Variants in SMARCA4 observed in about 807,000 individuals in gnomAD.
The protein encoded by SMARCA4 is SWI/SNF-related matrix-associated actin-dependent regulator of chromatin subfamily A member 4.
In SMARCA4, 31 loss-of-function variants were observed where a neutral mutation model predicts 193.9. The observed-to-expected ratio is 0.16, with a 90% CI of 0.12 to 0.22. The LOEUF (loss-of-function observed/expected upper bound fraction) is 0.22, where lower values mean the gene tolerates loss of function less well. Among genes scored for constraint, SMARCA4 ranks in the 10% least tolerant of loss-of-function variants. SMARCA4 has a pLI of 1.00. For missense variants in SMARCA4, 1,148 were observed against 2,296.0 expected, an observed-to-expected ratio of 0.50 and a Z score of 10.22; for synonymous variants, 942 against 933.1, an observed-to-expected ratio of 1.01 and a Z score of -0.17.
chr19:11,022,390 T>A (rs116680158), intron 19 of SMARCA4, among the ~76,000 whole-genome samples: 17 of 152,262 alleles, frequency 1.1e-4, no homozygotes, highest in African/African-American at 3.9e-4. Flanking sequence ...GGCCACATGG[T>A]CAGGTTCTGT....
chr19:11,008,217 T>G, intron 14 of SMARCA4, 194 bp downstream of exon 14: 2 of 566,348 alleles, frequency 3.5e-6, no homozygotes, highest in Non-Finnish European at 3.3e-6. Context: ...GCAATTGCAT[T>G]CGCATGGTTC....
rs2085909533 is a variant in SMARCA4 at position 10,985,186 on chromosome 19, C to T, written c.223-87C>T. 5 of 1,445,396 alleles carry T rather than the reference C, an allele frequency of 3.5e-6. No individual in the cohort carries two copies. In the East Asian group the frequency reaches 6.8e-5, roughly 20 times the overall value. 89.5% of individuals were successfully genotyped at this position (1,445,396 alleles called of 1,614,324 possible). On this transcript the variant is annotated intron_variant, in intron 2 of 34. Transcript: ENST00000344626. The surrounding 1 kb of genome is among the most constrained non-coding windows in gnomAD (Gnocchi z 4.5). ...ATCTTCGGGTGGCTGTTCTCGGTGCCCTCGAGCTTCTCTCGGGCAGCGCAT... is the reference window on the plus strand; with the variant it reads ...ATCTTCGGGTGGCTGTTCTCGGTGCTCTCGAGCTTCTCTCGGGCAGCGCAT...
intron 6 of SMARCA4, among the ~76,000 whole-genome samples, chr19:10,988,723 A>T (rs1347690696): frequency 6.6e-6 from 1 of 151,606 alleles, no homozygotes; most frequent in Non-Finnish European, 1.5e-5. Flanking sequence ...ATTTTTTTTA[A>T]ATCTCCTTTA....
intron 23 of SMARCA4, 85 bp from the exon 24 acceptor site, chr19:11,027,699 G>T (rs986968981): frequency 6.8e-7 from 1 of 1,471,986 alleles, no homozygotes; most frequent in South Asian, 1.1e-5. Context: ...GCCTGGAGGC[G>T]GGCGATGCAC....
At chr19:11,018,745 C>T (rs1045282438) in intron 16 of SMARCA4, 13 of 661,418 alleles carry the variant, frequency 2.0e-5, no homozygotes, top group Non-Finnish European at 3.3e-5. Flanking sequence ...TTCCCAGTGG[C>T]CTCCCTTCTG....
At chr19:11,014,219 T>A (rs2089143381) in intron 16 of SMARCA4, among the ~76,000 whole-genome samples, 1 of 152,106 alleles carries the variant, frequency 6.6e-6, no homozygotes, top group African/African-American at 2.4e-5. Flanking sequence ...GGGAGCGGCA[T>A]GCCCATGCTC....
Position 11,033,334 on chromosome 19 carries a change from C to T in SMARCA4, c.3591C>T (p.Asn1197=), listed in dbSNP as rs377275724. 7.4e-6 allele frequency: 12 copies of T among 1,613,060 alleles called. No individual in the cohort carries two copies. Among genetic ancestry groups the T allele is most frequent in the African/African-American group, 1.3e-5 (1 of 74,942 alleles). The change falls in exon 26 of 35, where the codon AAC becomes AAT. Residue 1197 remains asparagine, a synonymous_variant. Transcript: ENST00000344626. This position sits in a 1 kb window ranked among gnomAD's most constrained non-coding sequence, Gnocchi z 9.8. The part of the protein sequence containing the change: ...QDRAHRIGQQ[N]EVRVLRLCTV... ...GAGCCCACCGCATCGGGCAGCAGAA[C>T]GAGGTGCGTGTGCTCCGCCTCTGCA... is the stretch of plus-strand genomic sequence containing the variant.
intron 22 of SMARCA4, 118 bp from the exon 23 acceptor site, chr19:11,026,182 G>A (rs908682630): frequency 1.7e-5 from 14 of 833,794 alleles, no homozygotes; most frequent in African/African-American, 1.0e-4. Context: ...CCGTGGGCCC[G>A]TGCCGAGCAC....
Position 10,972,462 on chromosome 19 carries a change from C to A in SMARCA4, c.-32+11288C>A, listed in dbSNP as rs1323801943. 3.3e-5 allele frequency among the ~76,000 whole-genome samples: 5 copies of A among 151,324 alleles called. 1 individual carries two copies. In the South Asian group the frequency reaches 1.0e-3, roughly 32 times the overall value. ...CTATGTGACATTGTGTCATGTTTGGCTATTTCTGTCACTCTGCTGTCCACT... is the reference window on the plus strand; with the variant it reads ...CTATGTGACATTGTGTCATGTTTGGATATTTCTGTCACTCTGCTGTCCACT... On this transcript the variant is annotated intron_variant, in intron 1 of 34. Coordinates refer to ENST00000344626, the MANE Select transcript of SMARCA4 (RefSeq NM_003072.5).
At position 11,003,011 on chromosome 19, in the gene SMARCA4, C is replaced by G. The variant is rs763607731; in HGVS notation, c.1813-18C>G. 3 of 1,613,886 alleles carry G rather than the reference C, an allele frequency of 1.9e-6. No individual in the cohort carries two copies. The highest frequency in any genetic ancestry group is 2.5e-6 in the Non-Finnish European group (3 of 1,179,936). ...GAGGCCCTGCAACCTCAGTGTCACACGAATGACTCTTTTTCAGCCTCTGGA... is the reference window on the plus strand; with the variant it reads ...GAGGCCCTGCAACCTCAGTGTCACAGGAATGACTCTTTTTCAGCCTCTGGA... On this transcript the variant is annotated intron_variant, in intron 11 of 34. Coordinates refer to ENST00000344626, the MANE Select transcript of SMARCA4 (RefSeq NM_003072.5).
At chr19:11,017,387 G>A (rs78686811) in intron 16 of SMARCA4, among the ~76,000 whole-genome samples, 5,285 of 152,346 alleles carry the variant, frequency 0.035, 130 homozygotes, top group African/African-American at 0.041. Context: ...AGGTTGTGAG[G>A]TGGGTGCTCC....
rs745841074 is a variant in SMARCA4, at chr19:11,030,715, C to A, written c.3383-15C>A. The A allele has an allele frequency of 6.2e-7, 1 of 1,609,512 alleles. No individual in the cohort carries two copies. Among genetic ancestry groups the A allele is most frequent in the Non-Finnish European group, 8.5e-7 (1 of 1,178,264 alleles). ...AGGTCACCCCGCTGACCCTGTTCTC[C>A]TCTGTGCCCGTCAGGAACCACGAAG... is the stretch of plus-strand genomic sequence containing the variant. On this transcript the variant is annotated splice_polypyrimidine_tract_variant and intron_variant, in intron 24 of 34. Coordinates refer to ENST00000344626, the MANE Select transcript of SMARCA4 (RefSeq NM_003072.5). This position sits in a 1 kb window ranked among gnomAD's most constrained non-coding sequence, Gnocchi z 5.5.
At chr19:10,995,581 C>G in intron 9 of SMARCA4, 1 of 439,876 alleles carries the variant, frequency 2.3e-6, no homozygotes, top group Non-Finnish European at 4.6e-6. Context: ...CAAAGGGTGG[C>G]CCTGATGCAC....
intron 30 of SMARCA4, among the ~76,000 whole-genome samples, chr19:11,054,241 G>A (rs1281687598): frequency 1.3e-5 from 2 of 152,244 alleles, no homozygotes; most frequent in Non-Finnish European, 2.9e-5. Context: ...AGTGTCCACA[G>A]ACACTTGCTT....
Position 11,019,109 on chromosome 19 carries a change from T to C in SMARCA4, c.2505+86T>C. ...GACGTCCACACATACCTCTGGACAGTGAACCTGAGAATGCTGGGTCTCCAG... is the reference window on the plus strand; with the variant it reads ...GACGTCCACACATACCTCTGGACAGCGAACCTGAGAATGCTGGGTCTCCAG... On this transcript the variant is annotated intron_variant, in intron 17 of 34. Transcript: ENST00000344626. This position sits in a 1 kb window ranked among gnomAD's most constrained non-coding sequence, Gnocchi z 6.1. 2.0e-6 allele frequency: 2 copies of C among 1,013,116 alleles called. No individual in the cohort carries two copies. Among genetic ancestry groups the C allele is most frequent in the East Asian group, 2.4e-5 (1 of 42,070 alleles). 62.8% of individuals were successfully genotyped at this position (1,013,116 alleles called of 1,614,324 possible).
intron 29 of SMARCA4, among the ~76,000 whole-genome samples, chr19:11,035,773 G>A (rs1038862253): frequency 1.3e-5 from 2 of 152,226 alleles, no homozygotes; most frequent in Non-Finnish European, 2.9e-5. Context: ...GGCTTCACCC[G>A]ACCCAACTTT....
rs2076675872 is a variant in SMARCA4, at chr19:11,058,530, T to G, written c.4533+167T>G. Among the ~76,000 whole-genome samples, 1 of 151,988 alleles carries G rather than the reference T, an allele frequency of 6.6e-6. No individual in the cohort carries two copies. Among genetic ancestry groups the G allele is most frequent in the Non-Finnish European group, 1.5e-5 (1 of 67,956 alleles). On this transcript the variant is annotated intron_variant, in intron 31 of 34. Transcript: ENST00000344626. The surrounding 1 kb of genome is among the most constrained non-coding windows in gnomAD (Gnocchi z 5.8). ...CTGGTCGTGGGCTTTTGGGGTTCCT[T>G]GTAAGGGTTGGGGGTGTCCTGAGGG...
chr19:11,021,488 C>G, intron 18 of SMARCA4: 1 of 647,774 alleles, frequency 1.5e-6, no homozygotes, highest in Middle Eastern at 2.4e-4. Context: ...CATTGTTCAC[C>G]TGCCAATAGT....
At chr19:10,973,176 A>G (rs1377782905) in intron 1 of SMARCA4, among the ~76,000 whole-genome samples, 1 of 151,900 alleles carries the variant, frequency 6.6e-6, no homozygotes. Context: ...TGGATTTGTG[A>G]CACTTGATGC....
Sources: gnomAD v4.1 joint callset for allele counts (sites outside exome capture counted in the v4.1 genomes callset) on GRCh38, gnomAD v4.1.1 for gene constraint, Gnocchi (gnomAD v3.1) non-coding constraint, MANE v1.5 for transcripts, NCBI Gene and HGNC (gene_info 2026-07-23, HGNC 2026-07-21) for gene names.